Variants in SCAMP1 observed in about 807,000 individuals in gnomAD.
SCAMP1 encodes the protein secretory carrier membrane protein 1.
Under a neutral mutation model 41.8 loss-of-function variants are expected in SCAMP1, and 15 were observed. The ratio of observed to expected loss-of-function variants is 0.36; its 90% CI spans 0.24 to 0.55. The LOEUF is 0.55. SCAMP1 is among the 20% of genes least tolerant of loss of function. The pLI is 0.86. For missense variants in SCAMP1, 341 were observed against 412.6 expected, an observed-to-expected ratio of 0.83 and a Z score of 1.50; for synonymous variants, 135 against 136.8, an observed-to-expected ratio of 0.99 and a Z score of 0.09.
intron 1 of SCAMP1, among the ~76,000 whole-genome samples, chr5:78,364,475 T>C (rs1750743698): frequency 6.6e-6 from 1 of 152,106 alleles, no homozygotes; most frequent in African/African-American, 2.4e-5. Flanking sequence ...TCAGATCTCA[T>C]AGATTAAAAA....
intron 1 of SCAMP1, among the ~76,000 whole-genome samples, chr5:78,381,881 G>C (rs1751213186): frequency 6.6e-6 from 1 of 152,188 alleles, no homozygotes; most frequent in Non-Finnish European, 1.5e-5. Context: ...CTCATTTTAA[G>C]GAATTTGTGT....
chr5:78,459,594 G>A (rs969559759), intron 8 of SCAMP1, among the ~76,000 whole-genome samples: 1 of 151,966 alleles, frequency 6.6e-6, no homozygotes, highest in African/African-American at 2.4e-5. Flanking sequence ...TTTAACTGAA[G>A]GCTTTCATGA....
intron 8 of SCAMP1, among the ~76,000 whole-genome samples, chr5:78,465,407 C>T (rs1753721318): frequency 6.6e-6 from 1 of 152,306 alleles, no homozygotes; most frequent in African/African-American, 2.4e-5. Flanking sequence ...AACTGTACTC[C>T]AAGCTGCGTG....
chr5:78,458,157 C>T (rs536867246), intron 7 of SCAMP1, among the ~76,000 whole-genome samples: 22 of 152,244 alleles, frequency 1.4e-4, no homozygotes, highest in South Asian at 6.2e-4. Flanking sequence ...GCGTCGCTCT[C>T]GCTGGGAGCT....
intron 6 of SCAMP1, among the ~76,000 whole-genome samples, chr5:78,448,184 C>CT (rs1753117747): frequency 7.8e-6 from 1 of 127,504 alleles, no homozygotes; most frequent in Non-Finnish European, 1.6e-5. Context: ...TTCCTCTTCC[C>CT]TTTTGTTTTT....
intron 6 of SCAMP1, among the ~76,000 whole-genome samples, chr5:78,437,120 G>T (rs937239265): frequency 3.3e-5 from 5 of 152,192 alleles, no homozygotes; most frequent in African/African-American, 1.2e-4. Context: ...GAGATTTTGG[G>T]CTGAGATGAT....
intron 1 of SCAMP1, among the ~76,000 whole-genome samples, chr5:78,368,080 A>G (rs1451451788): frequency 6.6e-6 from 1 of 152,226 alleles, no homozygotes; most frequent in African/African-American, 2.4e-5. Flanking sequence ...TCTTTAGTCC[A>G]GGCTGTCACA....
chr5:78,469,107 G>T (rs1004138165), intron 8 of SCAMP1, among the ~76,000 whole-genome samples: 3 of 152,082 alleles, frequency 2.0e-5, no homozygotes, highest in South Asian at 2.1e-4. Flanking sequence ...GACCTGCCCA[G>T]TTCAAGGATT....
rs1464298712 is a variant in SCAMP1, at chr5:78,460,761, C to CG, written c.852+1399_852+1400insG. 6.8e-4 allele frequency among the ~76,000 whole-genome samples: 23 copies of CG among 33,836 alleles called. 2 individuals are homozygous for CG. The highest frequency in any genetic ancestry group is 4.2e-3 in the African/African-American group (22 of 5,282). 22.2% of individuals were successfully genotyped at this position (33,836 alleles called of 152,430 possible). On this transcript the variant is annotated intron_variant, in intron 8 of 8. Coordinates refer to ENST00000621999, the MANE Select transcript of SCAMP1 (RefSeq NM_004866.6). Reference sequence around the variant, plus strand: ...TCTTTTCTCCTTCCTTCCTTCCTTCCTTCCTTCCTTCCTTCCTTCCTTCCT... The same window carrying CG: ...TCTTTTCTCCTTCCTTCCTTCCTTCCGTTCCTTCCTTCCTTCCTTCCTTCCT...
At chr5:78,397,513 C>T (rs1437035252) in intron 2 of SCAMP1, among the ~76,000 whole-genome samples, 1 of 152,104 alleles carries the variant, frequency 6.6e-6, no homozygotes, top group African/African-American at 2.4e-5. Context: ...TGTCCAAGAG[C>T]ACTATCAAGA....
At chr5:78,381,244 T>C (rs776785618) in intron 1 of SCAMP1, among the ~76,000 whole-genome samples, 1 of 152,154 alleles carries the variant, frequency 6.6e-6, no homozygotes, top group Non-Finnish European at 1.5e-5. Flanking sequence ...ATCAGAAAGA[T>C]CATTGCTTAG....
Position 78,475,562 on chromosome 5 carries a change from C to T in SCAMP1, c.911C>T (p.Ala304Val). ...ASFEKAQQEF[A>V]TGVMSNKTVQ... is the part of the protein sequence containing the mutation. ...TTTGAGAAGGCCCAACAGGAGTTTG[C>T]AACAGGTGTGATGTCCAACAAAACT... The change falls in exon 9 of 9, where the codon GCA (alanine) becomes GTA (valine). Residue 304 changes from alanine (A) to valine (V), a missense_variant. Transcript: ENST00000621999. The T allele has an allele frequency of 6.2e-7, 1 of 1,611,362 alleles. No homozygotes were observed. Among genetic ancestry groups the T allele is most frequent in the Non-Finnish European group, 8.5e-7 (1 of 1,179,028 alleles).
At chr5:78,409,742 C>G (rs561646984) in intron 2 of SCAMP1, among the ~76,000 whole-genome samples, 1 of 152,246 alleles carries the variant, frequency 6.6e-6, no homozygotes, top group Admixed American at 6.5e-5. Context: ...TTAAATATAT[C>G]GCATTACCAG....
intron 2 of SCAMP1, among the ~76,000 whole-genome samples, chr5:78,393,926 A>G (rs937224976): frequency 3.9e-5 from 6 of 152,172 alleles, no homozygotes; most frequent in Non-Finnish European, 7.3e-5. Context: ...TATTGAAGGT[A>G]AGGGATAGGG....
intron 2 of SCAMP1, among the ~76,000 whole-genome samples, chr5:78,410,707 T>A (rs1477287961): frequency 6.6e-6 from 1 of 152,162 alleles, no homozygotes; most frequent in Non-Finnish European, 1.5e-5. Context: ...CTCTAGATCT[T>A]TGAGGAACCA....
intron 6 of SCAMP1, among the ~76,000 whole-genome samples, chr5:78,432,632 T>A (rs2112170128): frequency 6.6e-6 from 1 of 152,250 alleles, no homozygotes; most frequent in Middle Eastern, 3.4e-3. Context: ...CTGTCTTTAA[T>A]ATTTTTTCTG....
At chr5:78,424,329 A>G (rs1054088842) in intron 6 of SCAMP1, among the ~76,000 whole-genome samples, 1 of 152,246 alleles carries the variant, frequency 6.6e-6, no homozygotes, top group Admixed American at 6.5e-5. Context: ...ATCTCAAGGA[A>G]AATTATATAG....
chr5:78,432,672 A>T (rs1752652122), intron 6 of SCAMP1, among the ~76,000 whole-genome samples: 1 of 151,742 alleles, frequency 6.6e-6, no homozygotes. Flanking sequence ...TTTGAATATG[A>T]TGTGTTAAAG....
chr5:78,424,314 TA>T (rs1371216129), intron 6 of SCAMP1, among the ~76,000 whole-genome samples: 1 of 152,268 alleles, frequency 6.6e-6, no homozygotes, highest in Non-Finnish European at 1.5e-5. Context: ...AAACTCATTG[TA>T]AAAATCTCAA....
Sources: gnomAD v4.1 joint callset for allele counts (sites outside exome capture counted in the v4.1 genomes callset) on GRCh38, gnomAD v4.1.1 for gene constraint, MANE v1.5 for transcripts, NCBI Gene and HGNC (gene_info 2026-07-23, HGNC 2026-07-21) for gene names.